RABGAP1L: variants seen among roughly 807,000 people sequenced by gnomAD.
RABGAP1L encodes rab GTPase-activating protein 1-like.
In RABGAP1L, 63 loss-of-function variants were observed where a neutral mutation model predicts 137.7. That is an observed-to-expected ratio of 0.46 (90% CI 0.37 to 0.56). The LOEUF is 0.56. Ranked by LOEUF, RABGAP1L falls within the 20% of genes least tolerant of loss-of-function variation. The pLI, the probability that RABGAP1L is intolerant of heterozygous loss-of-function variation, is 0.00. For synonymous variants in RABGAP1L, 431 were observed against 433.7 expected (o/e 0.99, Z 0.08); for missense variants, 1,095 against 1,244.0 (o/e 0.88, Z 1.80).
At position 174,599,485 on chromosome 1, in the gene RABGAP1L, G is replaced by A. The variant is rs578012486; in HGVS notation, c.1711-37890G>A. On this transcript the variant is annotated intron_variant, in intron 13 of 25. Transcript: ENST00000681986. Reference sequence around the variant, plus strand: ...TGCCCATTAACATCATTCCCTTTCTGATTGAAGTACATCATTTAGCTTTTC... The same window carrying A: ...TGCCCATTAACATCATTCCCTTTCTAATTGAAGTACATCATTTAGCTTTTC... Among the ~76,000 whole-genome samples the A allele has an allele frequency of 4.9e-4, 75 of 152,264 alleles. 1 individual carries two copies. In the South Asian group the frequency reaches 0.015, roughly 30 times the overall value.
intron 18 of RABGAP1L, among the ~76,000 whole-genome samples, chr1:174,777,275 A>G (rs926000861): frequency 1.3e-5 from 2 of 152,178 alleles, no homozygotes; most frequent in African/African-American, 4.8e-5. Flanking sequence ...TCATTCACAG[A>G]CTTGTGTTCT....
At chr1:174,170,320 C>T (rs929252747) in intron 1 of RABGAP1L, among the ~76,000 whole-genome samples, 1 of 151,994 alleles carries the variant, frequency 6.6e-6, no homozygotes, top group African/African-American at 2.4e-5. Flanking sequence ...GAGGTAGGAA[C>T]GATTATAATA....
intron 13 of RABGAP1L, among the ~76,000 whole-genome samples, chr1:174,543,609 G>T (rs556168377): frequency 9.2e-5 from 14 of 152,216 alleles, no homozygotes; most frequent in East Asian, 7.7e-4. Flanking sequence ...TAGTTAATAT[G>T]GTTATGTGTG....
At chr1:174,954,597 A>G (rs1029154166) in intron 19 of RABGAP1L, among the ~76,000 whole-genome samples, 10 of 152,232 alleles carry the variant, frequency 6.6e-5, no homozygotes, top group African/African-American at 2.2e-4. Flanking sequence ...AGCTTCCAGT[A>G]TGTAATTCAG....
intron 13 of RABGAP1L, among the ~76,000 whole-genome samples, chr1:174,634,814 A>G (rs1277832022): frequency 6.9e-6 from 1 of 145,580 alleles, no homozygotes; most frequent in Non-Finnish European, 1.5e-5. Flanking sequence ...ATTCTCCCTC[A>G]TAGGTGGGAA....
chr1:174,956,962 T>G (rs1187763158), intron 19 of RABGAP1L, among the ~76,000 whole-genome samples: 1 of 152,174 alleles, frequency 6.6e-6, no homozygotes, highest in Non-Finnish European at 1.5e-5. Flanking sequence ...TTAGAATATT[T>G]CTTGTAGCTC....
intron 13 of RABGAP1L, among the ~76,000 whole-genome samples, chr1:174,449,496 G>A (rs1655187380): frequency 6.6e-6 from 1 of 152,150 alleles, no homozygotes; most frequent in South Asian, 2.1e-4. Flanking sequence ...ACATGAGCAA[G>A]CCCCTTGGCT....
intron 19 of RABGAP1L, among the ~76,000 whole-genome samples, chr1:174,852,532 G>A (rs150713438): frequency 1.0e-3 from 155 of 152,266 alleles, no homozygotes; most frequent in African/African-American, 3.4e-3. Flanking sequence ...AGTGGAACTC[G>A]GCTGGGCATG....
At chr1:174,794,244 C>G (rs78410837) in intron 18 of RABGAP1L, among the ~76,000 whole-genome samples, 2 of 152,182 alleles carry the variant, frequency 1.3e-5, no homozygotes, top group African/African-American at 4.8e-5. Flanking sequence ...GTGTCTGTGT[C>G]TTAGTGAACC....
intron 19 of RABGAP1L, chr1:174,893,295 C>G (rs960201159): frequency 1.3e-5 from 2 of 152,250 alleles, no homozygotes; most frequent in Non-Finnish European, 2.9e-5. Flanking sequence ...GTTCTCTTGG[C>G]CACTGAAATC....
chr1:174,628,906 T>A (rs1186258385), intron 13 of RABGAP1L, among the ~76,000 whole-genome samples: 1 of 152,176 alleles, frequency 6.6e-6, no homozygotes, highest in East Asian at 1.9e-4. Context: ...GGTTGTGCTA[T>A]AAAATGTTTT....
chr1:174,676,693 A>G (rs894558727), intron 14 of RABGAP1L, among the ~76,000 whole-genome samples: 2 of 152,230 alleles, frequency 1.3e-5, no homozygotes, highest in Non-Finnish European at 2.9e-5. Flanking sequence ...TAGCATGGTC[A>G]GTAGTATTCC....
At chr1:174,374,290 T>G (rs956073446) in intron 12 of RABGAP1L, among the ~76,000 whole-genome samples, 3 of 152,188 alleles carry the variant, frequency 2.0e-5, no homozygotes, top group African/African-American at 7.2e-5. Context: ...AGCTCTACTC[T>G]CTGGACAGAG....
intron 19 of RABGAP1L, among the ~76,000 whole-genome samples, chr1:174,874,834 G>T (rs1466194232): frequency 6.6e-6 from 1 of 151,922 alleles, no homozygotes; most frequent in African/African-American, 2.4e-5. Flanking sequence ...TATGTTTTTC[G>T]TTGGAACCAC....
chr1:174,552,372 G>A (rs1666604190), intron 13 of RABGAP1L, among the ~76,000 whole-genome samples: 1 of 151,970 alleles, frequency 6.6e-6, no homozygotes, highest in African/African-American at 2.4e-5. Context: ...CCCTCTATGT[G>A]TCCTTGTGCT....
intron 13 of RABGAP1L, among the ~76,000 whole-genome samples, chr1:174,465,742 T>A (rs1328774372): frequency 6.6e-6 from 1 of 152,204 alleles, no homozygotes; most frequent in Admixed American, 6.5e-5. Flanking sequence ...CCATGAACTT[T>A]GGTTTACAAA....
chr1:174,346,322 ATTC>A (rs1482073989), intron 11 of RABGAP1L, among the ~76,000 whole-genome samples: 1 of 152,110 alleles, frequency 6.6e-6, no homozygotes, highest in African/African-American at 2.4e-5. Flanking sequence ...ATTGATATTA[ATTC>A]TTCTTTAAAT....
At chr1:174,229,018 GT>G (rs34335797) in intron 3 of RABGAP1L, among the ~76,000 whole-genome samples, 34,630 of 148,302 alleles carry the variant, frequency 0.23, 4,373 homozygotes, top group Middle Eastern at 0.28. Flanking sequence ...AAAATGAACA[GT>G]TTTTTTTTTT....
chr1:174,987,544 C>T (rs1008921931), intron 24 of RABGAP1L, among the ~76,000 whole-genome samples: 1 of 152,102 alleles, frequency 6.6e-6, no homozygotes, highest in Admixed American at 6.5e-5. Flanking sequence ...TCGTCAGGCC[C>T]AAATGGTGGA....
Sources: gnomAD v4.1 joint callset for allele counts (sites outside exome capture counted in the v4.1 genomes callset) on GRCh38, gnomAD v4.1.1 for gene constraint, MANE v1.5 for transcripts, NCBI Gene and HGNC (gene_info 2026-07-23, HGNC 2026-07-21) for gene names.